Variants in COPE observed in about 807,000 individuals in gnomAD.
The protein encoded by COPE is coatomer subunit epsilon.
COPE carries 19 observed loss-of-function variants against 42.1 expected under a neutral mutation model. That is an observed-to-expected ratio of 0.45 (90% CI 0.31 to 0.66). The LOEUF (loss-of-function observed/expected upper bound fraction) is 0.66, where lower values mean the gene tolerates loss of function less well. Ranked by LOEUF, COPE falls within the 30% of genes least tolerant of loss-of-function variation. The probability of loss-of-function intolerance (pLI) is 0.05; values close to 1 mark genes in which losing one functional copy is unlikely to be tolerated. For missense variants in COPE, 402 were observed against 416.1 expected (o/e 0.97, Z 0.30); for synonymous variants, 195 against 181.3 (o/e 1.08, Z -0.60).
intron 3 of COPE, among the ~76,000 whole-genome samples, chr19:18,908,629 G>A (rs866855864): frequency 9.5e-4 from 143 of 150,100 alleles, no homozygotes; most frequent in Non-Finnish European, 1.3e-3. Context: ...CCATTCTCCC[G>A]CCTCAGCCTC....
chr19:18,907,172 G>T, intron 3 of COPE, 60 bp from the exon 4 acceptor site: 1 of 1,560,772 alleles, frequency 6.4e-7, no homozygotes. Flanking sequence ...ACCTCAGAGG[G>T]TCCCCTTCCT....
rs2056804193 is a variant in COPE at position 18,910,972 on chromosome 19, T to A, written c.289A>T (p.Arg97Trp). 1 of 1,613,562 alleles carries A rather than the reference T, an allele frequency of 6.2e-7. No homozygotes were observed. The highest frequency in any genetic ancestry group is 2.2e-5 in the East Asian group (1 of 44,860). Reference sequence around the variant, plus strand: ...CCAACCCATTCTCTGGGGCCTCACCTCCGACTCTCGTGGGCGAGGTAGTCA... The same window carrying A: ...CCAACCCATTCTCTGGGGCCTCACCACCGACTCTCGTGGGCGAGGTAGTCA... ...FADYLAHESR[R>W]DSIVAELDRE... Residue 97 changes from arginine to tryptophan, a missense_variant and splice_region_variant, in exon 3 of 10, where the codon AGG becomes TGG. Coordinates refer to ENST00000262812, the MANE Select transcript of COPE (RefSeq NM_007263.4).
At chr19:18,911,580 C>T (rs984747159) in intron 2 of COPE, among the ~76,000 whole-genome samples, 1 of 151,274 alleles carries the variant, frequency 6.6e-6, no homozygotes, top group Non-Finnish European at 1.5e-5. Flanking sequence ...GAGACGGAGT[C>T]TCGCTCTGTC....
At chr19:18,904,659 A>C in intron 6 of COPE, 112 bp downstream of exon 6, 1 of 932,116 alleles carries the variant, frequency 1.1e-6, no homozygotes, top group Non-Finnish European at 1.6e-6. Context: ...CCACGGCCTG[A>C]TCCTGGAGCC....
At chr19:18,907,319 C>T (rs1355736978) in intron 3 of COPE, among the ~76,000 whole-genome samples, 1 of 152,070 alleles carries the variant, frequency 6.6e-6, no homozygotes, top group Non-Finnish European at 1.5e-5. Context: ...GGCAAGGACC[C>T]GAGGCCGGGA....
intron 5 of COPE, among the ~76,000 whole-genome samples, chr19:18,905,222 C>T (rs1005467531): frequency 2.6e-5 from 4 of 152,200 alleles, no homozygotes; most frequent in Admixed American, 1.3e-4. Flanking sequence ...GCCATGGCCT[C>T]CGACCTGGTG....
chr19:18,908,617 T>C lies in COPE; in HGVS notation c.291-1505A>G, dbSNP rs1017149612. ...CTGCAAGCTCCGCCTCCCGGGTTCATGCCATTCTCCCGCCTCAGCCTCCCG... is the reference window on the plus strand; with the variant it reads ...CTGCAAGCTCCGCCTCCCGGGTTCACGCCATTCTCCCGCCTCAGCCTCCCG... On this transcript the variant is annotated intron_variant, in intron 3 of 9. Coordinates refer to ENST00000262812, the MANE Select transcript of COPE (RefSeq NM_007263.4). 6.3e-4 allele frequency among the ~76,000 whole-genome samples: 95 copies of C among 150,508 alleles called. 1 individual carries two copies. Among genetic ancestry groups the C allele is most frequent in the African/African-American group, 2.0e-4 (8 of 40,990 alleles).
chr19:18,906,905 G>A lies in COPE; in HGVS notation c.443+55C>T, dbSNP rs780256288. ...GCGAGGCCGTGCGCAGCCTGGAGAT[G>A]TGGCAGGGGGCACTTGCCTCCCTGG... On this transcript the variant is annotated intron_variant, in intron 4 of 9. Transcript: ENST00000262812. 1.9e-5 allele frequency: 28 copies of A among 1,509,192 alleles called. 1 individual carries two copies. The South Asian group carries it at 2.6e-4, about 14-fold the overall frequency. 93.5% of individuals were successfully genotyped at this position (1,509,192 alleles called of 1,614,324 possible).
rs2056675941 is a variant in COPE, at chr19:18,899,626, C to G, written c.*53G>C. On this transcript the variant is annotated 3_prime_UTR_variant, in exon 10 of 10. Coordinates refer to ENST00000262812, the MANE Select transcript of COPE (RefSeq NM_007263.4). ...ATGCCGGGTGGGGAGGGCTGCAGGG[C>G]TGGCTCCTGGCCTCTGTCCTGGCTT... 8.7e-6 allele frequency: 14 copies of G among 1,606,622 alleles called. No homozygotes were observed. The highest frequency in any genetic ancestry group is 1.7e-4 in the Middle Eastern group (1 of 6,030).
chr19:18,912,922 G>A (rs2056823316), intron 2 of COPE, 62 bp downstream of exon 2: 3 of 1,550,670 alleles, frequency 1.9e-6, no homozygotes, highest in Non-Finnish European at 2.7e-6. Flanking sequence ...GTGCCTTCCT[G>A]TCCCCAGCCC....
At chr19:18,915,164 T>C (rs777881479) in intron 1 of COPE, among the ~76,000 whole-genome samples, 2 of 152,130 alleles carry the variant, frequency 1.3e-5, no homozygotes, top group Non-Finnish European at 2.9e-5. Context: ...ACTATGATCA[T>C]GCCACTGCAC....
At chr19:18,916,112 G>A (rs1176271354) in intron 1 of COPE, among the ~76,000 whole-genome samples, 1 of 152,178 alleles carries the variant, frequency 6.6e-6, no homozygotes, top group Non-Finnish European at 1.5e-5. Flanking sequence ...TTGAACCCAG[G>A]AGGCAGAGGT....
intron 7 of COPE, among the ~76,000 whole-genome samples, chr19:18,903,026 G>C (rs967473058): frequency 5.9e-5 from 9 of 151,968 alleles, no homozygotes; most frequent in Non-Finnish European, 1.0e-4. Context: ...CAACAAGGAC[G>C]GCTCAGACCA....
chr19:18,919,093 TGTGGAAGAG>T, intron 1 of COPE, 121 bp downstream of exon 1: 1 of 878,378 alleles, frequency 1.1e-6, no homozygotes, highest in Non-Finnish European at 1.8e-6. Context: ...CTCACTGAAC[TGTGGAAGAG>T]GTGGCCCAAA....
At chr19:18,904,898 T>C (rs2056744236) in intron 5 of COPE, 46 bp from the exon 6 acceptor site, 5 of 1,524,546 alleles carry the variant, frequency 3.3e-6, no homozygotes, top group Non-Finnish European at 4.5e-6. Flanking sequence ...CCGAGGGCCC[T>C]GGCCTGGCCA....
intron 4 of COPE, 43 bp from the exon 5 acceptor site, chr19:18,905,672 C>T (rs778867236): frequency 5.1e-6 from 8 of 1,568,948 alleles, no homozygotes; most frequent in Non-Finnish European, 6.9e-6. Context: ...TCGCCACAGA[C>T]ACATTGCATG....
chr19:18,908,612 G>A (rs1318417403), intron 3 of COPE, among the ~76,000 whole-genome samples: 2 of 150,182 alleles, frequency 1.3e-5, no homozygotes, highest in Non-Finnish European at 3.0e-5. Flanking sequence ...CGCCTCCCGG[G>A]TTCATGCCAT....
At chr19:18,900,104 G>A (rs78547683) in intron 8 of COPE, 157 bp from the exon 9 acceptor site, 2 of 645,320 alleles carry the variant, frequency 3.1e-6, no homozygotes, top group East Asian at 2.7e-5. Context: ...CCTTCAGGGT[G>A]GGGGTGGAGG....
intron 3 of COPE, chr19:18,910,495 GA>G (rs2056799377): frequency 6.0e-6 from 1 of 166,374 alleles, no homozygotes; most frequent in Non-Finnish European, 1.3e-5. Flanking sequence ...TGAGGCACAA[GA>G]ATCACTTGAA....
Sources: allele counts gnomAD v4.1 joint callset (sites outside exome capture counted in the v4.1 genomes callset), GRCh38; gene constraint gnomAD v4.1.1; transcripts MANE v1.5; gene names NCBI Gene and HGNC (gene_info 2026-07-23, HGNC 2026-07-21).